Variants in ATRN observed in about 807,000 individuals in gnomAD.
The protein encoded by ATRN is attractin-2.
ATRN carries 54 observed loss-of-function variants against 178.7 expected under a neutral mutation model. That is an observed-to-expected ratio of 0.30 (90% CI 0.24 to 0.38). The LOEUF (loss-of-function observed/expected upper bound fraction) is 0.38. ATRN is among the 10% of genes least tolerant of loss of function. ATRN has a pLI of 1.00. For synonymous variants in ATRN, 636 were observed against 663.0 expected, an observed-to-expected ratio of 0.96 and a Z score of 0.63; for missense variants, 1,443 against 1,815.1, an observed-to-expected ratio of 0.79 and a Z score of 3.73.
At position 3,512,328 on chromosome 20, in the gene ATRN, A is replaced by G. The variant is rs1046379794; in HGVS notation, c.411-22925A>G. 7.1e-5 allele frequency among the ~76,000 whole-genome samples: 10 copies of G among 141,670 alleles called. No homozygotes were observed. The South Asian group carries it at 8.9e-4, about 13-fold the overall frequency. The allele number at this position is 141,670 out of a possible 152,430, so 92.9% of individuals were successfully genotyped here. ...TGTGTCCAGGTGTTCTCATTGTTCAATTCCCACCTATGAGTGAGAACATGC... is the reference window on the plus strand; with the variant it reads ...TGTGTCCAGGTGTTCTCATTGTTCAGTTCCCACCTATGAGTGAGAACATGC... On this transcript the variant is annotated intron_variant, in intron 1 of 28. Coordinates refer to ENST00000262919, the MANE Select transcript of ATRN (RefSeq NM_139321.3).
intron 1 of ATRN, among the ~76,000 whole-genome samples, chr20:3,526,352 A>C (rs2085364859): frequency 1.3e-5 from 2 of 152,204 alleles, no homozygotes; most frequent in Admixed American, 6.5e-5. Context: ...AATTGCTACA[A>C]AGAGAATAAA....
At chr20:3,610,567 A>AT (rs35770410) in intron 24 of ATRN, among the ~76,000 whole-genome samples, 32,660 of 93,568 alleles carry the variant, frequency 0.35, 6,918 homozygotes, top group Middle Eastern at 0.48. Flanking sequence ...TTCCAGCTGA[A>AT]TTTTTTTTTT....
At chr20:3,601,804 C>G (rs973838004) in intron 23 of ATRN, among the ~76,000 whole-genome samples, 9 of 147,156 alleles carry the variant, frequency 6.1e-5, no homozygotes, top group Non-Finnish European at 1.0e-4. Flanking sequence ...TTGGAGATTG[C>G]ACTGAGCCAT....
At chr20:3,610,043 A>G (rs2086740576) in intron 24 of ATRN, among the ~76,000 whole-genome samples, 3 of 152,296 alleles carry the variant, frequency 2.0e-5, no homozygotes, top group Admixed American at 2.0e-4. Flanking sequence ...AGGTAGTGAT[A>G]TTGGTTGCAC....
intron 1 of ATRN, among the ~76,000 whole-genome samples, chr20:3,479,204 T>A (rs2146063988): frequency 6.6e-6 from 1 of 152,296 alleles, no homozygotes; most frequent in Admixed American, 6.5e-5. Flanking sequence ...ATTATCTTCT[T>A]TTGAAATGAG....
At chr20:3,530,606 T>G (rs1260530799) in intron 1 of ATRN, among the ~76,000 whole-genome samples, 1 of 151,980 alleles carries the variant, frequency 6.6e-6, no homozygotes, top group Non-Finnish European at 1.5e-5. Flanking sequence ...TTTATCAGAA[T>G]TAGGTCTAGT....
intron 1 of ATRN, among the ~76,000 whole-genome samples, chr20:3,487,326 C>T (rs2084708439): frequency 1.3e-5 from 2 of 152,138 alleles, no homozygotes; most frequent in Non-Finnish European, 2.9e-5. Flanking sequence ...CTCCGCCTCC[C>T]AGGTTTAAGC....
At chr20:3,629,418 C>T in intron 25 of ATRN, 4 of 568,398 alleles carry the variant, frequency 7.0e-6, no homozygotes, top group Non-Finnish European at 8.9e-6. Flanking sequence ...TTTGTACATG[C>T]TTATCCCATT....
chr20:3,500,452 A>G (rs1389058556), intron 1 of ATRN, among the ~76,000 whole-genome samples: 8 of 151,814 alleles, frequency 5.3e-5, no homozygotes, highest in African/African-American at 1.9e-4. Context: ...TCCAACAATG[A>G]TAGACTGGAT....
chr20:3,563,695 T>A (rs150979029), intron 10 of ATRN, among the ~76,000 whole-genome samples: 99 of 152,334 alleles, frequency 6.5e-4, no homozygotes, highest in African/African-American at 2.2e-3. Context: ...TTGGTTCACG[T>A]ATTAGCTTTA....
At chr20:3,573,768 T>C (rs1180074709) in intron 12 of ATRN, among the ~76,000 whole-genome samples, 2 of 151,876 alleles carry the variant, frequency 1.3e-5, no homozygotes, top group Non-Finnish European at 2.9e-5. Context: ...TTTTATTTAT[T>C]TATTTATTTA....
intron 1 of ATRN, among the ~76,000 whole-genome samples, chr20:3,526,670 A>G (rs2628482): frequency 0.026 from 3,967 of 152,290 alleles, 85 homozygotes; most frequent in Middle Eastern, 0.048. Flanking sequence ...GCATCTTGCT[A>G]CCTGACTTCA....
intron 6 of ATRN, among the ~76,000 whole-genome samples, chr20:3,550,110 T>C (rs988958099): frequency 5.9e-5 from 9 of 152,202 alleles, no homozygotes; most frequent in African/African-American, 1.4e-4. Flanking sequence ...GGCGGATCAC[T>C]TGAGATCAGG....
chr20:3,569,019 C>T (rs569346484), intron 11 of ATRN, among the ~76,000 whole-genome samples: 7 of 152,202 alleles, frequency 4.6e-5, no homozygotes, highest in African/African-American at 1.4e-4. Flanking sequence ...TGACCTTAGC[C>T]GGTAATATGC....
At chr20:3,493,740 A>T (rs563983322) in intron 1 of ATRN, among the ~76,000 whole-genome samples, 1 of 152,302 alleles carries the variant, frequency 6.6e-6, no homozygotes, top group African/African-American at 2.4e-5. Context: ...TCTTTGAAAG[A>T]AAGGTCCACC....
intron 3 of ATRN, among the ~76,000 whole-genome samples, chr20:3,543,013 G>T (rs1386046695): frequency 6.6e-6 from 1 of 152,108 alleles, no homozygotes; most frequent in East Asian, 1.9e-4. Context: ...CATTTCAAGG[G>T]ATTCTGGTGT....
intron 6 of ATRN, 118 bp from the exon 7 acceptor site, chr20:3,559,275 C>G: frequency 2.6e-6 from 2 of 755,930 alleles, no homozygotes; most frequent in Non-Finnish European, 4.6e-6. Flanking sequence ...GACAAGTGCC[C>G]CCCTACATCC....
intron 3 of ATRN, among the ~76,000 whole-genome samples, chr20:3,544,896 G>A (rs1350071904): frequency 6.6e-6 from 1 of 151,248 alleles, no homozygotes; most frequent in Non-Finnish European, 1.5e-5. Flanking sequence ...TTGTGAGTGA[G>A]GTCTTAAGAA....
At chr20:3,606,187 C>G (rs918941065) in intron 24 of ATRN, among the ~76,000 whole-genome samples, 2 of 152,214 alleles carry the variant, frequency 1.3e-5, no homozygotes, top group African/African-American at 4.8e-5. Flanking sequence ...CTTGTCTAGT[C>G]ACACATCTGC....
Sources: allele counts gnomAD v4.1 joint callset (sites outside exome capture counted in the v4.1 genomes callset), GRCh38; gene constraint gnomAD v4.1.1; transcripts MANE v1.5; gene names NCBI Gene and HGNC (gene_info 2026-07-23, HGNC 2026-07-21).